The following KIF20B variants were observed in gnomAD, a reference collection of about 807,000 sequenced individuals.
KIF20B encodes the protein kinesin family member 20B.
In KIF20B, 188 loss-of-function variants were observed where a neutral mutation model predicts 232.5. The observed-to-expected ratio is 0.81, with a 90% CI of 0.72 to 0.91. KIF20B has a LOEUF of 0.91. KIF20B is among the 40% of genes least tolerant of loss of function. The probability of loss-of-function intolerance (pLI) is 0.00; values close to 1 mark genes in which losing one functional copy is unlikely to be tolerated. For synonymous variants in KIF20B, 712 were observed against 683.0 expected, an observed-to-expected ratio of 1.04 and a Z score of -0.66; for missense variants, 2,154 against 2,055.9, an observed-to-expected ratio of 1.05 and a Z score of -0.92.
chr10:89,737,665 A>G lies in KIF20B; in HGVS notation c.2824A>G (p.Ile942Val). The G allele has an allele frequency of 6.2e-7, 1 of 1,612,518 alleles. No homozygotes were observed. Among genetic ancestry groups the G allele is most frequent in the Non-Finnish European group, 8.5e-7 (1 of 1,178,846 alleles). Residue 942 changes from isoleucine (I) to valine (V), a missense_variant, in exon 20 of 33, where the codon ATT becomes GTT. By Grantham distance (29) the Ile-to-Val change is conservative (BLOSUM62 3). Transcript: ENST00000371728. ...EVQQIQSNYD[I>V]AIAELHVQKS... ...CCAACAAATTCAGTCAAATTATGAT[A>G]TTGCAATTGCTGAATTACATGTGCA...
At chr10:89,756,971 C>T (rs1219026316) in intron 26 of KIF20B, among the ~76,000 whole-genome samples, 1 of 148,256 alleles carries the variant, frequency 6.7e-6, no homozygotes, top group Non-Finnish European at 1.5e-5. Context: ...ATAAATTTTC[C>T]TATAAACATT....
intron 32 of KIF20B, 87 bp downstream of exon 32, chr10:89,772,918 A>G (rs1388494876): frequency 1.1e-5 from 13 of 1,190,838 alleles, no homozygotes; most frequent in African/African-American, 3.1e-5. Flanking sequence ...AATTCTTTAG[A>G]TCTCTGAAAA....
At position 89,774,112 on chromosome 10, in the gene KIF20B, T is replaced by G; in HGVS notation, c.*64T>G. On this transcript the variant is annotated 3_prime_UTR_variant, in exon 33 of 33. Coordinates refer to ENST00000371728, the MANE Select transcript of KIF20B (RefSeq NM_001284259.2). The stretch of plus-strand genomic sequence containing the variant: ...TAGTCATTGGAACTTGCATCCTGTA[T>G]TGTAAATATAAATGTATATATTATG... 1.0e-6 allele frequency: 1 copy of G among 985,488 alleles called. No individual in the cohort carries two copies. Among genetic ancestry groups the G allele is most frequent in the Non-Finnish European group, 1.5e-6 (1 of 654,932 alleles). 61.0% of individuals were successfully genotyped at this position (985,488 alleles called of 1,614,324 possible).
intron 23 of KIF20B, among the ~76,000 whole-genome samples, chr10:89,747,249 A>G (rs936727690): frequency 8.5e-5 from 13 of 152,188 alleles, no homozygotes; most frequent in African/African-American, 2.9e-4. Flanking sequence ...GGTGCTGGAG[A>G]GGATGTGGAG....
chr10:89,771,470 C>T (rs546571073), intron 31 of KIF20B, among the ~76,000 whole-genome samples: 1 of 152,100 alleles, frequency 6.6e-6, no homozygotes, highest in South Asian at 2.1e-4. Flanking sequence ...TGACAAGCTT[C>T]CCTTCCTACA....
At position 89,754,517 on chromosome 10, in the gene KIF20B, G is replaced by A; in HGVS notation, c.4348-1G>A. 6.4e-7 allele frequency: 1 copy of A among 1,570,016 alleles called. No individual in the cohort carries two copies. The highest frequency in any genetic ancestry group is 8.6e-7 in the Non-Finnish European group (1 of 1,157,454). On this transcript the variant is annotated splice_acceptor_variant, in intron 25 of 32. Transcript: ENST00000371728. LOFTEE classifies it high-confidence loss of function. ...ATAACTTATACCATTTATATATACAGGAGTCTGAACAGAAATATAATGCTG... is the reference window on the plus strand; with the variant it reads ...ATAACTTATACCATTTATATATACAAGAGTCTGAACAGAAATATAATGCTG...
chr10:89,715,123 T>G lies in KIF20B; in HGVS notation c.881T>G (p.Phe294Cys). 1 of 1,608,712 alleles carries G rather than the reference T, an allele frequency of 6.2e-7. No individual in the cohort carries two copies. Residue 294 changes from phenylalanine to cysteine, a missense_variant, in exon 8 of 33, where the codon TTC becomes TGC. Phe to Cys is a radical substitution (Grantham distance 205). Coordinates refer to ENST00000371728, the MANE Select transcript of KIF20B (RefSeq NM_001284259.2). ...TTATTTGTTCCTGTATCATCTAAAT[T>G]CCAAAAGAGAAAGATGCTGCGCCTT... ...YDLFVPVSSK[F>C]QKRKMLRLSQ...
In KIF20B at chr10:89,738,091, C is replaced by CA. The variant is rs751240681; in HGVS notation, c.3253dup (p.Ile1085AsnfsTer2). On this transcript the variant is annotated frameshift_variant, in exon 20 of 33. Transcript: ENST00000371728. LOFTEE classifies it high-confidence loss of function. ...TCATCAGATTGAGGAACTGGAACAA[C>CA]AAATTGAAAAATTGCAGGCAGAAGT... 1 of 1,612,258 alleles carries CA rather than the reference C, an allele frequency of 6.2e-7. No homozygotes were observed. Among genetic ancestry groups the CA allele is most frequent in the South Asian group, 1.1e-5 (1 of 91,020 alleles).
In KIF20B at chr10:89,714,994, A is replaced by G. The variant is rs750351064; in HGVS notation, c.752A>G (p.Glu251Gly). The G allele has an allele frequency of 8.2e-6, 13 of 1,589,806 alleles. No homozygotes were observed. The South Asian group carries it at 1.4e-4, about 17-fold the overall frequency. Residue 251 changes from glutamate (E) to glycine (G), a missense_variant, in exon 8 of 33, where the codon GAA (glutamate) becomes GGA (glycine). Glu to Gly is a moderately conservative substitution (Grantham distance 98). Transcript: ENST00000371728. ...TCTTTGAATATCTCAGAGTTTGAAGAATCCATAAAAGATTATGAACAAGCC... is the reference window on the plus strand; with the variant it reads ...TCTTTGAATATCTCAGAGTTTGAAGGATCCATAAAAGATTATGAACAAGCC... ...TNSLNISEFE[E>G]SIKDYEQANL...
chr10:89,737,236 TTTC>T, intron 19 of KIF20B, 148 bp from the exon 20 acceptor site: 1 of 873,416 alleles, frequency 1.1e-6, no homozygotes, highest in Non-Finnish European at 1.5e-6. Context: ...AAACCTGTTT[TTTC>T]TTTTTTTCTC....
At chr10:89,730,526 T>G (rs1226863301) in intron 18 of KIF20B, among the ~76,000 whole-genome samples, 1 of 152,132 alleles carries the variant, frequency 6.6e-6, no homozygotes, top group Non-Finnish European at 1.5e-5. Context: ...AAGTTGAGCC[T>G]TAAAGGGTGA....
Position 89,754,597 on chromosome 10 carries a change from C to A in KIF20B, c.4427C>A (p.Ala1476Glu). 6.2e-7 allele frequency: 1 copy of A among 1,604,424 alleles called. No individual in the cohort carries two copies. The part of the protein sequence containing the change: ...KMMLITQAKE[A>E]ENIRNKEMKK... Reference sequence around the variant, plus strand: ...ATGCTTATCACTCAAGCGAAAGAAGCAGAGAATATACGAAATAAAGAGATG... The same window carrying A: ...ATGCTTATCACTCAAGCGAAAGAAGAAGAGAATATACGAAATAAAGAGATG... The change falls in exon 26 of 33, where the codon GCA (alanine) becomes GAA (glutamate). Residue 1476 changes from alanine (A) to glutamate (E), a missense_variant. Coordinates refer to ENST00000371728, the MANE Select transcript of KIF20B (RefSeq NM_001284259.2).
At position 89,718,708 on chromosome 10, in the gene KIF20B, A is replaced by C; in HGVS notation, c.1272-2A>C. The stretch of plus-strand genomic sequence containing the variant: ...AATGTTTTCTGAAAATTTTTTCTGT[A>C]GGTTTCAACAGCATGTGCCTTTCCG... On this transcript the variant is annotated splice_acceptor_variant, in intron 11 of 32. Coordinates refer to ENST00000371728, the MANE Select transcript of KIF20B (RefSeq NM_001284259.2). LOFTEE classifies it high-confidence loss of function. 6.2e-7 allele frequency: 1 copy of C among 1,600,846 alleles called. No homozygotes were observed. The highest frequency in any genetic ancestry group is 8.5e-7 in the Non-Finnish European group (1 of 1,176,324).
intron 29 of KIF20B, among the ~76,000 whole-genome samples, chr10:89,764,800 T>A (rs1216394520): frequency 6.6e-6 from 1 of 152,040 alleles, no homozygotes; most frequent in Non-Finnish European, 1.5e-5. Context: ...ATATTAGCCC[T>A]TTGTCAGATG....
At chr10:89,745,122 G>T (rs1174794145) in intron 22 of KIF20B, among the ~76,000 whole-genome samples, 1 of 152,046 alleles carries the variant, frequency 6.6e-6, no homozygotes, top group African/African-American at 2.4e-5. Context: ...TTCCTTCTAT[G>T]TTAAATACAC....
At chr10:89,707,710 G>A (rs1195002333) in intron 2 of KIF20B, among the ~76,000 whole-genome samples, 1 of 151,468 alleles carries the variant, frequency 6.6e-6, no homozygotes, top group African/African-American at 2.4e-5. Context: ...ACTAGAAGTG[G>A]GGAAGCAGAA....
At chr10:89,704,617 C>T (rs1449551375) in intron 1 of KIF20B, among the ~76,000 whole-genome samples, 1 of 151,316 alleles carries the variant, frequency 6.6e-6, no homozygotes, top group African/African-American at 2.4e-5. Context: ...AGTGCAGTGG[C>T]GCGATCGCGA....
Position 89,719,433 on chromosome 10 carries a change from C to T in KIF20B, c.1449C>T (p.Asp483=), listed in dbSNP as rs746681449. The change falls in exon 13 of 33, where the codon GAC becomes GAT. Residue 483 remains aspartate (D), a synonymous_variant. Transcript: ENST00000371728. Reference sequence around the variant, plus strand: ...TATTTTAACAGGTTTGTGTCCCAGACACTTTAAATTCCTCTCAAGAGAAAT... The same window carrying T: ...TATTTTAACAGGTTTGTGTCCCAGATACTTTAAATTCCTCTCAAGAGAAAT... ...SAIAQKVCVP[D]TLNSSQEKLF... 1 of 1,580,544 alleles carries T rather than the reference C, an allele frequency of 6.3e-7. No individual in the cohort carries two copies. Among genetic ancestry groups the T allele is most frequent in the Non-Finnish European group, 8.6e-7 (1 of 1,166,208 alleles).
At chr10:89,718,119 G>C (rs1213571128) in intron 11 of KIF20B, among the ~76,000 whole-genome samples, 5 of 152,042 alleles carry the variant, frequency 3.3e-5, no homozygotes, top group African/African-American at 1.2e-4. Context: ...TTCTATTTAG[G>C]GTGTTTCATG....
Sources: gnomAD v4.1 joint callset for allele counts (sites outside exome capture counted in the v4.1 genomes callset) on GRCh38, gnomAD v4.1.1 for gene constraint, MANE v1.5 for transcripts, NCBI Gene and HGNC (gene_info 2026-07-23, HGNC 2026-07-21) for gene names.